The following TBC1D14 variants were observed in gnomAD, a reference collection of about 807,000 sequenced individuals.
The protein encoded by TBC1D14 is TBC1 domain family member 14.
In TBC1D14, 26 loss-of-function variants were observed where a neutral mutation model predicts 79.0. The ratio of observed to expected loss-of-function variants is 0.33; its 90% CI spans 0.24 to 0.46. The LOEUF (loss-of-function observed/expected upper bound fraction) is 0.46. Ranked by LOEUF, TBC1D14 falls within the 20% of genes least tolerant of loss-of-function variation. TBC1D14 has a pLI of 1.00. For missense variants in TBC1D14, 769 were observed against 887.6 expected (o/e 0.87, Z 1.70); for synonymous variants, 394 against 349.9 (o/e 1.13, Z -1.40).
intron 2 of TBC1D14, among the ~76,000 whole-genome samples, chr4:6,934,688 A>G (rs1272173462): frequency 1.3e-5 from 2 of 152,010 alleles, no homozygotes; most frequent in Non-Finnish European, 1.5e-5. Context: ...AATGAAAAGA[A>G]TTGACTGTTT....
chr4:6,987,400 G>A, intron 3 of TBC1D14: 2 of 1,376,130 alleles, frequency 1.5e-6, no homozygotes, highest in Non-Finnish European at 1.9e-6. Context: ...GGCCTGCCCG[G>A]TCCCGTGGGC....
intron 2 of TBC1D14, among the ~76,000 whole-genome samples, chr4:6,926,857 G>C (rs1002565075): frequency 8.5e-5 from 13 of 152,374 alleles, no homozygotes; most frequent in African/African-American, 2.9e-4. Flanking sequence ...GCTGGGGCTA[G>C]AGCTGGTCCT....
At chr4:6,988,384 G>A (rs1421003230) in intron 3 of TBC1D14, among the ~76,000 whole-genome samples, 1 of 152,228 alleles carries the variant, frequency 6.6e-6, no homozygotes, top group Non-Finnish European at 1.5e-5. Flanking sequence ...ATCTTCAAGT[G>A]TAACAGATGA....
At chr4:6,992,673 C>G (rs1322391238) in intron 3 of TBC1D14, among the ~76,000 whole-genome samples, 1 of 152,210 alleles carries the variant, frequency 6.6e-6, no homozygotes, top group Non-Finnish European at 1.5e-5. Context: ...GAATCTTTCT[C>G]AACACACAGC....
intron 9 of TBC1D14, 145 bp from the exon 10 acceptor site, chr4:7,009,732 A>G: frequency 1.2e-6 from 1 of 810,174 alleles, no homozygotes; most frequent in Non-Finnish European, 2.1e-6. Flanking sequence ...CCATATGCAT[A>G]TAGAGCTGCT....
At chr4:7,019,081 G>T (rs1358496297) in intron 12 of TBC1D14, among the ~76,000 whole-genome samples, 1 of 152,054 alleles carries the variant, frequency 6.6e-6, no homozygotes, top group Non-Finnish European at 1.5e-5. Flanking sequence ...TGAGTGCAGT[G>T]GTGGATCTCG....
chr4:7,018,078 G>A (rs1235531023), intron 12 of TBC1D14, among the ~76,000 whole-genome samples: 1 of 152,174 alleles, frequency 6.6e-6, no homozygotes, highest in Non-Finnish European at 1.5e-5. Context: ...AAGTCACTGA[G>A]GCCCATGGTG....
chr4:6,980,518 T>C (rs933894021), intron 3 of TBC1D14, among the ~76,000 whole-genome samples: 1 of 151,990 alleles, frequency 6.6e-6, no homozygotes, highest in Admixed American at 6.6e-5. Flanking sequence ...AGGAAGCAAG[T>C]AATAAGTGTG....
Position 7,032,394 on chromosome 4 carries a change from C to T in TBC1D14, c.*2002C>T, listed in dbSNP as rs1278306937. On this transcript the variant is annotated 3_prime_UTR_variant, in exon 14 of 14. Coordinates refer to ENST00000409757, the MANE Select transcript of TBC1D14 (RefSeq NM_020773.3). Reference sequence around the variant, plus strand: ...TACAGAAGGTGGCGCGGCAAAGGGCCTCGTGCAGTGTGTTCAGATTGCCCC... The same window carrying T: ...TACAGAAGGTGGCGCGGCAAAGGGCTTCGTGCAGTGTGTTCAGATTGCCCC... 1 of 152,648 alleles carries T rather than the reference C, an allele frequency of 6.6e-6. No homozygotes were observed. The highest frequency in any genetic ancestry group is 1.5e-5 in the Non-Finnish European group (1 of 68,060). 9.5% of individuals were successfully genotyped at this position (152,648 alleles called of 1,614,324 possible).
chr4:6,933,292 CTTCCCCTTCCCCTTCCCCTTCCCTT>C (rs1711970114), intron 2 of TBC1D14, among the ~76,000 whole-genome samples: 1 of 43,988 alleles, frequency 2.3e-5, no homozygotes, highest in African/African-American at 8.3e-5. Flanking sequence ...TCCCCTTCCC[CTTCCCCTTCCCCTTCCCCTTCCCTT>C]TTCTAGAGGC....
At chr4:7,025,391 G>T (rs774192433) in intron 13 of TBC1D14, 129 bp downstream of exon 13, 67 of 1,440,502 alleles carry the variant, frequency 4.7e-5, no homozygotes, top group Non-Finnish European at 6.1e-5. Context: ...TGGAACTGAG[G>T]GGGGCCGGGT....
intron 4 of TBC1D14, among the ~76,000 whole-genome samples, chr4:6,994,977 C>G (rs562237703): frequency 4.6e-5 from 7 of 152,210 alleles, no homozygotes; most frequent in Admixed American, 3.9e-4. Flanking sequence ...CAGGAAAAGA[C>G]TCTGGCCTTT....
chr4:7,028,787 C>A (rs1324905839), intron 13 of TBC1D14, among the ~76,000 whole-genome samples: 1 of 152,066 alleles, frequency 6.6e-6, no homozygotes, highest in Admixed American at 6.6e-5. Context: ...GCACATTTCT[C>A]TCAAATCCTG....
At chr4:7,010,611 G>T (rs55659111) in intron 10 of TBC1D14, 42 bp from the exon 11 acceptor site, 86,341 of 1,599,970 alleles carry the variant, frequency 0.054, 2,618 homozygotes, top group African/African-American at 0.12. Flanking sequence ...CGGTGACCCT[G>T]TGGCCACTGT....
At chr4:6,984,565 C>T (rs1461269850) in intron 3 of TBC1D14, among the ~76,000 whole-genome samples, 1 of 152,152 alleles carries the variant, frequency 6.6e-6, no homozygotes, top group Non-Finnish European at 1.5e-5. Context: ...TGAAAAAATA[C>T]TTATCAAATA....
At chr4:7,029,363 C>T (rs754761462) in intron 13 of TBC1D14, among the ~76,000 whole-genome samples, 7 of 152,226 alleles carry the variant, frequency 4.6e-5, no homozygotes, top group Non-Finnish European at 7.3e-5. Context: ...ACTTTGAGCA[C>T]GTCACTTCCG....
At chr4:6,969,459 G>C (rs1375923669) in intron 3 of TBC1D14, among the ~76,000 whole-genome samples, 1 of 151,834 alleles carries the variant, frequency 6.6e-6, no homozygotes, top group Non-Finnish European at 1.5e-5. Flanking sequence ...AGGCTGGAGT[G>C]CAGTGGTGCG....
chr4:6,987,727 C>T (rs1371053492), intron 3 of TBC1D14, among the ~76,000 whole-genome samples: 1 of 152,178 alleles, frequency 6.6e-6, no homozygotes, highest in African/African-American at 2.4e-5. Context: ...GCCTCGCCTG[C>T]GATCCGATGA....
chr4:7,018,754 G>C (rs1721525449), intron 12 of TBC1D14, among the ~76,000 whole-genome samples: 1 of 152,208 alleles, frequency 6.6e-6, no homozygotes, highest in South Asian at 2.1e-4. Context: ...GGGCCCTTCA[G>C]CTGTCTCCGT....
Sources: allele counts gnomAD v4.1 joint callset (sites outside exome capture counted in the v4.1 genomes callset), GRCh38; gene constraint gnomAD v4.1.1; transcripts MANE v1.5; gene names NCBI Gene and HGNC (gene_info 2026-07-23, HGNC 2026-07-21).